The following GPC5 variants were observed in gnomAD, a reference collection of about 807,000 sequenced individuals.
The protein encoded by GPC5 is glypican 5.
A neutral mutation model predicts 53.9 loss-of-function variants in GPC5; 47 were observed. That is an observed-to-expected ratio of 0.87 (90% CI 0.69 to 1.11). The LOEUF is 1.11. Ranked by LOEUF, GPC5 falls within the 50% of genes most tolerant of loss-of-function variation. GPC5 has a pLI of 0.00. For synonymous variants in GPC5, 286 were observed against 263.3 expected, an observed-to-expected ratio of 1.09 and a Z score of -0.84; for missense variants, 748 against 713.1, an observed-to-expected ratio of 1.05 and a Z score of -0.56.
intron 7 of GPC5, among the ~76,000 whole-genome samples, chr13:92,349,034 G>A (rs2043452272): frequency 6.6e-6 from 1 of 152,076 alleles, no homozygotes; most frequent in African/African-American, 2.4e-5. Context: ...CACAAAGATA[G>A]GGGAAGGAAG....
chr13:91,718,482 T>C (rs1433086584), intron 3 of GPC5, among the ~76,000 whole-genome samples: 2 of 152,110 alleles, frequency 1.3e-5, no homozygotes, highest in Non-Finnish European at 2.9e-5. Context: ...ACAACCTCAG[T>C]ATTGATATTG....
chr13:92,239,616 A>G (rs76605116), intron 7 of GPC5, among the ~76,000 whole-genome samples: 5,599 of 152,074 alleles, frequency 0.037, 358 homozygotes, highest in African/African-American at 0.13. Context: ...ATCATTGTTT[A>G]AAAAGACGTA....
chr13:91,826,869 G>T (rs928261390), intron 5 of GPC5, among the ~76,000 whole-genome samples: 3 of 151,984 alleles, frequency 2.0e-5, no homozygotes, highest in African/African-American at 7.2e-5. Context: ...ATTCATGATG[G>T]ATCATAGACT....
At chr13:92,441,372 T>C (rs967412249) in intron 7 of GPC5, among the ~76,000 whole-genome samples, 1 of 152,196 alleles carries the variant, frequency 6.6e-6, no homozygotes, top group Non-Finnish European at 1.5e-5. Flanking sequence ...TCAATTTTTG[T>C]TTTGGTTGCA....
At chr13:92,571,158 T>G (rs189045346) in intron 7 of GPC5, among the ~76,000 whole-genome samples, 1 of 152,228 alleles carries the variant, frequency 6.6e-6, no homozygotes, top group African/African-American at 2.4e-5. Flanking sequence ...TTCTGAAAAT[T>G]TGGGAGGAGC....
intron 5 of GPC5, among the ~76,000 whole-genome samples, chr13:91,777,522 G>A (rs1267856186): frequency 6.6e-6 from 1 of 152,176 alleles, no homozygotes; most frequent in African/African-American, 2.4e-5. Context: ...CCCAATTACA[G>A]AACTAATTCT....
intron 7 of GPC5, among the ~76,000 whole-genome samples, chr13:92,717,870 C>T (rs1888382828): frequency 6.6e-6 from 1 of 151,956 alleles, no homozygotes; most frequent in African/African-American, 2.4e-5. Flanking sequence ...ATCTGACAAA[C>T]GCTTAATAAG....
chr13:91,960,334 CA>C (rs202056586), intron 6 of GPC5, among the ~76,000 whole-genome samples: 2,959 of 151,584 alleles, frequency 0.02, 93 homozygotes, highest in African/African-American at 0.068. Context: ...ACAATGGCTA[CA>C]AAAAAATAAA....
chr13:92,261,443 G>A (rs900995594), intron 7 of GPC5, among the ~76,000 whole-genome samples: 8 of 152,036 alleles, frequency 5.3e-5, no homozygotes, highest in African/African-American at 1.9e-4. Context: ...GTTGTGAATG[G>A]ATTGGTAGCT....
At chr13:92,348,419 C>T (rs1230207754) in intron 7 of GPC5, among the ~76,000 whole-genome samples, 2 of 151,766 alleles carry the variant, frequency 1.3e-5, no homozygotes, top group African/African-American at 4.8e-5. Flanking sequence ...ATTGGAGCAC[C>T]TAAAAATATA....
intron 6 of GPC5, among the ~76,000 whole-genome samples, chr13:91,912,307 G>A (rs2039617028): frequency 6.6e-6 from 1 of 151,996 alleles, no homozygotes; most frequent in South Asian, 2.1e-4. Context: ...CTGAGATCAG[G>A]CCACTGCATT....
At chr13:91,707,139 C>T (rs1358236403) in intron 3 of GPC5, among the ~76,000 whole-genome samples, 1 of 151,992 alleles carries the variant, frequency 6.6e-6, no homozygotes, top group Non-Finnish European at 1.5e-5. Flanking sequence ...CAATTAGACA[C>T]TCTTACAACT....
rs1594189393 is a variant in GPC5, at chr13:92,422,637, A to G, written c.1561+277648A>G. ...CCCACTGTTCAACTGTCTTCTTCCC[A>G]TATTAGGCAAAGGTGGATTCCACAC... On this transcript the variant is annotated intron_variant, in intron 7 of 7. Coordinates refer to ENST00000377067, the MANE Select transcript of GPC5 (RefSeq NM_004466.6). 2.6e-5 allele frequency among the ~76,000 whole-genome samples: 4 copies of G among 152,074 alleles called. No individual in the cohort carries two copies. In the East Asian group the frequency reaches 7.7e-4, roughly 29 times the overall value.
intron 2 of GPC5, among the ~76,000 whole-genome samples, chr13:91,498,683 G>C (rs1388190323): frequency 2.0e-5 from 3 of 152,028 alleles, no homozygotes; most frequent in Non-Finnish European, 4.4e-5. Flanking sequence ...TGGTGGTCAG[G>C]GTAGCTGTAG....
chr13:91,994,568 T>C (rs906999171), intron 6 of GPC5: 3 of 152,190 alleles, frequency 2.0e-5, no homozygotes, highest in Non-Finnish European at 4.4e-5. Context: ...CACCTAATGA[T>C]CTATCATCAA....
chr13:92,510,810 GAT>G (rs1880536782), intron 7 of GPC5, among the ~76,000 whole-genome samples: 1 of 152,184 alleles, frequency 6.6e-6, no homozygotes. Context: ...AAGTAAGGGT[GAT>G]TAGATTGATA....
chr13:92,328,034 T>G (rs889886283), intron 7 of GPC5, among the ~76,000 whole-genome samples: 1 of 152,184 alleles, frequency 6.6e-6, no homozygotes, highest in East Asian at 1.9e-4. Flanking sequence ...ACTGTGCTTC[T>G]TCAGGGCAAA....
At chr13:91,432,736 A>T (rs1180479866) in intron 1 of GPC5, among the ~76,000 whole-genome samples, 4 of 152,206 alleles carry the variant, frequency 2.6e-5, no homozygotes, top group African/African-American at 9.7e-5. Flanking sequence ...TGTGAAGTAA[A>T]AACACAAATC....
intron 6 of GPC5, among the ~76,000 whole-genome samples, chr13:92,102,400 C>A (rs4126972): frequency 1.3e-5 from 2 of 151,878 alleles, no homozygotes; most frequent in Non-Finnish European, 2.9e-5. Context: ...AGGTACCAGA[C>A]GACCAAGAAG....
Sources: allele counts gnomAD v4.1 joint callset (sites outside exome capture counted in the v4.1 genomes callset), GRCh38; gene constraint gnomAD v4.1.1; transcripts MANE v1.5; gene names NCBI Gene and HGNC (gene_info 2026-07-23, HGNC 2026-07-21).